PDZRN3: variants seen among roughly 807,000 people sequenced by gnomAD.
PDZRN3 encodes PDZ domain containing ring finger 3.
PDZRN3 carries 38 observed loss-of-function variants against 85.7 expected under a neutral mutation model. The observed-to-expected ratio is 0.44, with a 90% CI of 0.34 to 0.58. The LOEUF is 0.58. PDZRN3 is among the 20% of genes least tolerant of loss of function. The pLI, the probability that PDZRN3 is intolerant of heterozygous loss-of-function variation, is 0.01. For missense variants in PDZRN3, 1,629 were observed against 1,506.4 expected, an observed-to-expected ratio of 1.08 and a Z score of -1.35; for synonymous variants, 759 against 638.0, an observed-to-expected ratio of 1.19 and a Z score of -2.86.
intron 3 of PDZRN3, among the ~76,000 whole-genome samples, chr3:73,532,483 C>T (rs775165472): frequency 6.6e-6 from 1 of 152,240 alleles, no homozygotes; most frequent in African/African-American, 2.4e-5. Flanking sequence ...GTGCGCCAGG[C>T]ATTGTGCTGA....
chr3:73,474,572 C>A (rs1478684254), intron 3 of PDZRN3: 2 of 1,282,084 alleles, frequency 1.6e-6, no homozygotes, highest in Admixed American at 4.7e-5. Context: ...AGGCAGCCTG[C>A]AGGTCCGCAG....
chr3:73,435,380 T>G (rs1032226278), intron 3 of PDZRN3, among the ~76,000 whole-genome samples: 5 of 152,260 alleles, frequency 3.3e-5, no homozygotes, highest in Admixed American at 6.5e-5. Flanking sequence ...AAGCCACAGA[T>G]GGGGCGGGGC....
At chr3:73,450,557 A>G (rs1378743333) in intron 3 of PDZRN3, among the ~76,000 whole-genome samples, 1 of 152,258 alleles carries the variant, frequency 6.6e-6, no homozygotes, top group African/African-American at 2.4e-5. Flanking sequence ...TCTAATCAGT[A>G]TATTTTTAAT....
chr3:73,452,839 C>CTCTGTGTGTGTGTGTGTGTG (rs1553690746), intron 3 of PDZRN3, among the ~76,000 whole-genome samples: 8 of 140,718 alleles, frequency 5.7e-5, no homozygotes, highest in African/African-American at 2.1e-4. Context: ...GTCCATATAT[C>CTCTGTGTGTGTGTGTGTGTG]TGTGTGTGTG....
At position 73,502,467 on chromosome 3, in the gene PDZRN3, C is replaced by G. The variant is rs576142086; in HGVS notation, c.919-98072G>C. ...ATACTGAGTTCTCCATAAGTTAAGG[C>G]CACCAACAACTAAAATTATCTTCTC... On this transcript the variant is annotated intron_variant, in intron 3 of 9. Coordinates refer to ENST00000263666, the MANE Select transcript of PDZRN3 (RefSeq NM_015009.3). Among the ~76,000 whole-genome samples, 19 of 152,302 alleles carry G rather than the reference C, an allele frequency of 1.2e-4. No individual in the cohort carries two copies. In the East Asian group the frequency reaches 2.3e-3, roughly 19 times the overall value.
At position 73,489,575 on chromosome 3, in the gene PDZRN3, C is replaced by CTTTTTTTTTTTTTTTTTTTTTTTTTTT. The variant is rs371602592; in HGVS notation, c.919-85181_919-85180insAAAAAAAAAAAAAAAAAAAAAAAAAAA. On this transcript the variant is annotated intron_variant, in intron 3 of 9. Transcript: ENST00000263666. ...GCCATGCATATGGGCAGTTTCTTTT[C>CTTTTTTTTTTTTTTTTTTTTTTTTTTT]TTTTTTTTTTTTTTTGAGATGGAGT... 7.5e-5 allele frequency among the ~76,000 whole-genome samples: 6 copies of CTTTTTTTTTTTTTTTTTTTTTTTTTTT among 80,110 alleles called. 2 individuals are homozygous for CTTTTTTTTTTTTTTTTTTTTTTTTTTT. The highest frequency in any genetic ancestry group is 2.4e-4 in the African/African-American group (5 of 20,784). 52.6% of individuals were successfully genotyped at this position (80,110 alleles called of 152,430 possible).
chr3:73,433,749 A>C, intron 3 of PDZRN3: 3 of 1,534,698 alleles, frequency 2.0e-6, no homozygotes, highest in Non-Finnish European at 2.6e-6. Flanking sequence ...TCTCGCCAGC[A>C]CCCGGGAAAA....
At chr3:73,599,224 G>C (rs1194154322) in intron 3 of PDZRN3, among the ~76,000 whole-genome samples, 1 of 152,220 alleles carries the variant, frequency 6.6e-6, no homozygotes, top group Non-Finnish European at 1.5e-5. Context: ...TGAATGAATG[G>C]ACAAAATGTG....
At chr3:73,569,394 T>C in intron 3 of PDZRN3, 4 of 1,195,762 alleles carry the variant, frequency 3.3e-6, no homozygotes, top group Middle Eastern at 3.8e-4. Flanking sequence ...GTGTGCCGCA[T>C]ACCTGTACAA....
chr3:73,597,548 C>T (rs1178755497), intron 3 of PDZRN3, among the ~76,000 whole-genome samples: 3 of 152,036 alleles, frequency 2.0e-5, no homozygotes, highest in East Asian at 3.9e-4. Flanking sequence ...GCGTTTAACC[C>T]ACGCAATCAC....
intron 3 of PDZRN3, among the ~76,000 whole-genome samples, chr3:73,420,435 A>C (rs1359058861): frequency 6.6e-6 from 1 of 152,252 alleles, no homozygotes; most frequent in Admixed American, 6.5e-5. Context: ...GGTGTCCAAT[A>C]AATACCCTAC....
At chr3:73,423,741 C>T (rs966093938) in intron 3 of PDZRN3, among the ~76,000 whole-genome samples, 1 of 152,216 alleles carries the variant, frequency 6.6e-6, no homozygotes, top group African/African-American at 2.4e-5. Context: ...AGCCAGCCCA[C>T]TCCGTCTTCC....
At chr3:73,391,906 C>T (rs566961579) in intron 5 of PDZRN3, among the ~76,000 whole-genome samples, 54 of 152,176 alleles carry the variant, frequency 3.5e-4, no homozygotes, top group African/African-American at 1.1e-3. Context: ...TGAAGGGCCA[C>T]GTGATAAGTT....
In PDZRN3 at chr3:73,383,220, C is replaced by T; in HGVS notation, c.*145G>A. 2 of 676,184 alleles carry T rather than the reference C, an allele frequency of 3.0e-6. No individual in the cohort carries two copies. Among genetic ancestry groups the T allele is most frequent in the South Asian group, 4.3e-5 (2 of 46,572 alleles). The allele number at this position is 676,184 out of a possible 1,614,324, so 41.9% of individuals were successfully genotyped here. A position where few individuals can be genotyped will look rare whatever the true frequency, so the allele number is the denominator to read the frequency against. Reference sequence around the variant, plus strand: ...TTCCCTTAAAATAGACCTATGACACCCAGAGTTGTAGGGTTTGCAAATTTG... The same window carrying T: ...TTCCCTTAAAATAGACCTATGACACTCAGAGTTGTAGGGTTTGCAAATTTG... On this transcript the variant is annotated 3_prime_UTR_variant, in exon 10 of 10. Coordinates refer to ENST00000263666, the MANE Select transcript of PDZRN3 (RefSeq NM_015009.3).
At chr3:73,525,266 T>C (rs1559721951) in intron 3 of PDZRN3, among the ~76,000 whole-genome samples, 1 of 152,194 alleles carries the variant, frequency 6.6e-6, no homozygotes. Context: ...CTCATAGTTA[T>C]AATTTTGTTA....
chr3:73,531,537 T>C (rs947682440), intron 3 of PDZRN3, among the ~76,000 whole-genome samples: 2 of 152,138 alleles, frequency 1.3e-5, no homozygotes, highest in Non-Finnish European at 2.9e-5. Flanking sequence ...TGACCCAGTG[T>C]CCCAACCCTC....
At chr3:73,573,445 C>T (rs1702071978) in intron 3 of PDZRN3, among the ~76,000 whole-genome samples, 1 of 152,238 alleles carries the variant, frequency 6.6e-6, no homozygotes, top group Admixed American at 6.5e-5. Context: ...CGTCACTCAC[C>T]AGGTCATATT....
intron 3 of PDZRN3, among the ~76,000 whole-genome samples, chr3:73,507,046 G>A (rs1232295975): frequency 6.6e-6 from 1 of 152,214 alleles, no homozygotes; most frequent in African/African-American, 2.4e-5. Context: ...CCCTGAGGCT[G>A]AAAAACTACC....
rs531745462 is a variant in PDZRN3, at chr3:73,445,501, G to A, written c.919-41106C>T. On this transcript the variant is annotated intron_variant, in intron 3 of 9. Coordinates refer to ENST00000263666, the MANE Select transcript of PDZRN3 (RefSeq NM_015009.3). ...CAAAGTGAGGCTTCATAATTCACTC[G>A]TACCTATAAGGTTCATGTGCTATCA... Among the ~76,000 whole-genome samples, 3 of 152,252 alleles carry A rather than the reference G, an allele frequency of 2.0e-5. No homozygotes were observed. In the South Asian group the frequency reaches 6.2e-4, roughly 32 times the overall value.
Sources: gnomAD v4.1 joint callset for allele counts (sites outside exome capture counted in the v4.1 genomes callset) on GRCh38, gnomAD v4.1.1 for gene constraint, MANE v1.5 for transcripts, NCBI Gene and HGNC (gene_info 2026-07-23, HGNC 2026-07-21) for gene names.